NXPH1: variants seen among roughly 807,000 people sequenced by gnomAD.
NXPH1 encodes the protein neurexophilin 1, also known as neurexophilin-1.
A neutral mutation model predicts 23.7 loss-of-function variants in NXPH1; 5 were observed. That is an observed-to-expected ratio of 0.21 (90% CI 0.11 to 0.44). NXPH1 has a LOEUF of 0.44. NXPH1 is among the 20% of genes least tolerant of loss of function. The probability of loss-of-function intolerance (pLI) is 0.99; values close to 1 mark genes in which losing one functional copy is unlikely to be tolerated. For synonymous variants in NXPH1, 144 were observed against 122.2 expected (o/e 1.18, Z -1.18); for missense variants, 324 against 321.6 (o/e 1.01, Z -0.06).
At chr7:8,673,792 G>A (rs1282599267) in intron 2 of NXPH1, among the ~76,000 whole-genome samples, 1 of 151,842 alleles carries the variant, frequency 6.6e-6, no homozygotes, top group Non-Finnish European at 1.5e-5. Context: ...ATTAGTAGTA[G>A]TAGCTACAGG....
chr7:8,489,690 T>C (rs1817216935), intron 2 of NXPH1, among the ~76,000 whole-genome samples: 1 of 152,096 alleles, frequency 6.6e-6, no homozygotes, highest in South Asian at 2.1e-4. Flanking sequence ...GCTATTCCAT[T>C]TGACAAAACT....
intron 2 of NXPH1, among the ~76,000 whole-genome samples, chr7:8,606,545 C>G (rs953294490): frequency 1.3e-5 from 2 of 152,156 alleles, no homozygotes; most frequent in African/African-American, 4.8e-5. Flanking sequence ...ATCAAGAAAA[C>G]CATCTGAAAC....
At chr7:8,694,090 G>T (rs556073214) in intron 2 of NXPH1, among the ~76,000 whole-genome samples, 3 of 152,160 alleles carry the variant, frequency 2.0e-5, no homozygotes, top group Non-Finnish European at 4.4e-5. Context: ...GAATCCACTG[G>T]CAAGCCCTGA....
intron 2 of NXPH1, among the ~76,000 whole-genome samples, chr7:8,568,154 A>G (rs112483282): frequency 1.3e-5 from 2 of 152,032 alleles, no homozygotes; most frequent in African/African-American, 4.8e-5. Flanking sequence ...CACTAACTGT[A>G]AATGTCCTGA....
chr7:8,739,285 C>G (rs573492729), intron 2 of NXPH1, among the ~76,000 whole-genome samples: 1 of 151,262 alleles, frequency 6.6e-6, no homozygotes, highest in Non-Finnish European at 1.5e-5. Flanking sequence ...TATAGGCACC[C>G]GAGGGAATCT....
At chr7:8,617,589 G>C (rs926882547) in intron 2 of NXPH1, among the ~76,000 whole-genome samples, 8 of 152,112 alleles carry the variant, frequency 5.3e-5, no homozygotes, top group African/African-American at 1.9e-4. Context: ...TCATTTATTT[G>C]TGGGATCTAA....
At chr7:8,748,517 C>T (rs1158971321) in intron 2 of NXPH1, among the ~76,000 whole-genome samples, 2 of 152,164 alleles carry the variant, frequency 1.3e-5, no homozygotes, top group East Asian at 1.9e-4. Flanking sequence ...GAGGCTGGTC[C>T]GTGTTTCTCT....
intron 2 of NXPH1, among the ~76,000 whole-genome samples, chr7:8,721,463 A>T (rs1248221885): frequency 6.6e-6 from 1 of 152,224 alleles, no homozygotes; most frequent in African/African-American, 2.4e-5. Context: ...AAGAACCAAG[A>T]TTACTTAAAG....
chr7:8,573,129 C>T (rs2128622442), intron 2 of NXPH1, among the ~76,000 whole-genome samples: 1 of 151,656 alleles, frequency 6.6e-6, no homozygotes, highest in South Asian at 2.1e-4. Context: ...TGTGTACATG[C>T]AATTTTCTGT....
chr7:8,666,401 G>T (rs1267797871), intron 2 of NXPH1, among the ~76,000 whole-genome samples: 2 of 151,926 alleles, frequency 1.3e-5, no homozygotes, highest in Non-Finnish European at 2.9e-5. Flanking sequence ...ATCATAATAA[G>T]AAATCCTTTT....
At chr7:8,476,690 T>A (rs1270164146) in intron 2 of NXPH1, among the ~76,000 whole-genome samples, 1 of 134,276 alleles carries the variant, frequency 7.4e-6, no homozygotes, top group Non-Finnish European at 1.6e-5. Flanking sequence ...ATTAAAAGGC[T>A]TCATGTTAAT....
intron 2 of NXPH1, among the ~76,000 whole-genome samples, chr7:8,533,587 A>G (rs1452709060): frequency 2.6e-5 from 4 of 152,188 alleles, no homozygotes; most frequent in African/African-American, 4.8e-5. Flanking sequence ...ATTTATGGCT[A>G]GCGGTATTAT....
intron 2 of NXPH1, among the ~76,000 whole-genome samples, chr7:8,745,806 A>G (rs1385194755): frequency 7.7e-6 from 1 of 129,174 alleles, no homozygotes; most frequent in African/African-American, 3.0e-5. Flanking sequence ...TGACCTCTTT[A>G]TCCTCCTGCC....
intron 2 of NXPH1, among the ~76,000 whole-genome samples, chr7:8,731,766 A>T (rs1223464897): frequency 6.6e-6 from 1 of 152,206 alleles, no homozygotes; most frequent in Admixed American, 6.5e-5. Flanking sequence ...GGGACATTTA[A>T]TTCTGCAGAG....
chr7:8,475,694 G>A (rs991189815), intron 2 of NXPH1, among the ~76,000 whole-genome samples: 2 of 151,932 alleles, frequency 1.3e-5, no homozygotes, highest in Non-Finnish European at 2.9e-5. Flanking sequence ...GGATATTAAT[G>A]CTAGTGTTTT....
intron 2 of NXPH1, among the ~76,000 whole-genome samples, chr7:8,701,782 T>A (rs1779627009): frequency 6.6e-6 from 1 of 152,094 alleles, no homozygotes; most frequent in African/African-American, 2.4e-5. Flanking sequence ...GCTCATTTAC[T>A]TTAGAAAGAT....
At chr7:8,744,458 C>T (rs1780433650) in intron 2 of NXPH1, among the ~76,000 whole-genome samples, 1 of 152,160 alleles carries the variant, frequency 6.6e-6, no homozygotes. Flanking sequence ...GTCCTTACCA[C>T]TTCTGATGAT....
chr7:8,552,451 C>T (rs989505163), intron 2 of NXPH1, among the ~76,000 whole-genome samples: 2 of 151,274 alleles, frequency 1.3e-5, no homozygotes, highest in African/African-American at 4.8e-5. Context: ...GTTTAAATGG[C>T]ATTAGCACAG....
At chr7:8,463,647 TATTTC>T in intron 2 of NXPH1, among the ~76,000 whole-genome samples, 1 of 152,320 alleles carries the variant, frequency 6.6e-6, no homozygotes, top group South Asian at 2.1e-4. Flanking sequence ...AATAGCTACT[TATTTC>T]AATTATTTGC....
Sources: allele counts gnomAD v4.1 joint callset (sites outside exome capture counted in the v4.1 genomes callset), GRCh38; gene constraint gnomAD v4.1.1; transcripts MANE v1.5; gene names NCBI Gene and HGNC (gene_info 2026-07-23, HGNC 2026-07-21).